Variants in FGGY observed in about 807,000 individuals in gnomAD.
FGGY encodes the protein FGGY carbohydrate kinase domain-containing protein.
FGGY carries 72 observed loss-of-function variants against 71.3 expected under a neutral mutation model. The ratio of observed to expected loss-of-function variants is 1.01; its 90% CI spans 0.84 to 1.23. The LOEUF is 1.23. FGGY is among the 50% of genes most tolerant of loss of function. The probability of loss-of-function intolerance (pLI) is 0.00; values close to 1 mark genes in which losing one functional copy is unlikely to be tolerated. For synonymous variants in FGGY, 251 were observed against 250.3 expected, an observed-to-expected ratio of 1.00 and a Z score of -0.02; for missense variants, 668 against 682.3, an observed-to-expected ratio of 0.98 and a Z score of 0.23.
chr1:59,662,045 G>A (rs1282453121), intron 12 of FGGY, among the ~76,000 whole-genome samples: 1 of 145,290 alleles, frequency 6.9e-6, no homozygotes. Flanking sequence ...TATAGGCCAG[G>A]CGCGGTGACT....
chr1:59,632,514 T>A (rs2096917299), intron 10 of FGGY, among the ~76,000 whole-genome samples: 1 of 152,190 alleles, frequency 6.6e-6, no homozygotes, highest in African/African-American at 2.4e-5. Context: ...TCACTAGTCC[T>A]CTATATCGCG....
chr1:59,658,358 C>T (rs1294567347), intron 11 of FGGY, among the ~76,000 whole-genome samples: 2 of 152,176 alleles, frequency 1.3e-5, no homozygotes, highest in Non-Finnish European at 2.9e-5. Flanking sequence ...TAGGATGATT[C>T]AGCGCCAGAG....
At chr1:59,628,767 A>G (rs1434592755) in intron 10 of FGGY, among the ~76,000 whole-genome samples, 1 of 152,198 alleles carries the variant, frequency 6.6e-6, no homozygotes, top group Non-Finnish European at 1.5e-5. Flanking sequence ...AGCACAGGAC[A>G]AAAGAGAGAT....
intron 6 of FGGY, among the ~76,000 whole-genome samples, chr1:59,461,598 C>G (rs1270140542): frequency 6.6e-6 from 1 of 151,922 alleles, no homozygotes; most frequent in African/African-American, 2.4e-5. Flanking sequence ...GAAGAGCAAC[C>G]CCAAGACACA....
At chr1:59,321,477 G>A in intron 1 of FGGY, 59 bp from the exon 2 acceptor site, 4 of 1,468,550 alleles carry the variant, frequency 2.7e-6, no homozygotes, top group Admixed American at 1.9e-5. Context: ...GAGATGTTTT[G>A]TGACTGTCTT....
chr1:59,370,506 C>A (rs1571146780), intron 4 of FGGY, among the ~76,000 whole-genome samples: 1 of 152,274 alleles, frequency 6.6e-6, no homozygotes, highest in East Asian at 1.9e-4. Flanking sequence ...AGGAGAACTT[C>A]CCCAATCTAG....
At chr1:59,424,651 G>A (rs1056667812) in intron 5 of FGGY, among the ~76,000 whole-genome samples, 3 of 152,118 alleles carry the variant, frequency 2.0e-5, no homozygotes, top group African/African-American at 4.8e-5. Flanking sequence ...TTCATGTGTC[G>A]ATTTTTGATC....
chr1:59,380,197 C>G (rs1380365137), intron 5 of FGGY, among the ~76,000 whole-genome samples: 1 of 151,526 alleles, frequency 6.6e-6, no homozygotes, highest in Non-Finnish European at 1.5e-5. Flanking sequence ...GTCTATCATT[C>G]ATGGACATTT....
At chr1:59,432,859 A>G (rs2067663989) in intron 5 of FGGY, among the ~76,000 whole-genome samples, 1 of 152,240 alleles carries the variant, frequency 6.6e-6, no homozygotes, top group Non-Finnish European at 1.5e-5. Context: ...CTGAGGTCAC[A>G]TAGTTAATAA....
chr1:59,521,568 T>C (rs1036558168), intron 7 of FGGY, among the ~76,000 whole-genome samples: 3 of 152,208 alleles, frequency 2.0e-5, no homozygotes, highest in African/African-American at 7.2e-5. Context: ...CATACACTCC[T>C]GTTTGGATAA....
chr1:59,519,200 T>C (rs1394303323), intron 7 of FGGY, among the ~76,000 whole-genome samples: 1 of 152,234 alleles, frequency 6.6e-6, no homozygotes, highest in Non-Finnish European at 1.5e-5. Flanking sequence ...AAGAATGGCC[T>C]ACCTATTTAA....
chr1:59,640,635 T>A (rs968335870), intron 11 of FGGY, among the ~76,000 whole-genome samples: 2 of 142,332 alleles, frequency 1.4e-5, no homozygotes, highest in African/African-American at 5.8e-5. Context: ...AAGTGCTCAG[T>A]ATATGCTTAT....
At chr1:59,487,310 G>C (rs1026090242) in intron 6 of FGGY, among the ~76,000 whole-genome samples, 1 of 152,186 alleles carries the variant, frequency 6.6e-6, no homozygotes, top group East Asian at 1.9e-4. Flanking sequence ...AGTTGACTGT[G>C]TGTGTCTATC....
chr1:59,436,270 G>A (rs562257110), intron 5 of FGGY, among the ~76,000 whole-genome samples: 10 of 151,870 alleles, frequency 6.6e-5, no homozygotes, highest in South Asian at 2.1e-4. Flanking sequence ...CTCTTCCCAC[G>A]GCAGGCACCC....
intron 4 of FGGY, among the ~76,000 whole-genome samples, chr1:59,374,395 C>T (rs1188679283): frequency 1.3e-5 from 2 of 152,316 alleles, no homozygotes; most frequent in East Asian, 3.9e-4. Flanking sequence ...TTTAAAAAGT[C>T]AGGAAACAAC....
At chr1:59,643,824 T>C (rs2153901836) in intron 11 of FGGY, among the ~76,000 whole-genome samples, 1 of 152,284 alleles carries the variant, frequency 6.6e-6, no homozygotes, top group East Asian at 1.9e-4. Context: ...CACCAAATAA[T>C]TGCCTTATGG....
At chr1:59,339,089 A>AATCAT (rs1362939429) in intron 2 of FGGY, among the ~76,000 whole-genome samples, 1 of 152,240 alleles carries the variant, frequency 6.6e-6, no homozygotes, top group Non-Finnish European at 1.5e-5. Flanking sequence ...TCATGCACAA[A>AATCAT]ATCATTAAAA....
intron 9 of FGGY, among the ~76,000 whole-genome samples, chr1:59,621,223 C>A (rs1319820429): frequency 6.6e-6 from 1 of 152,004 alleles, no homozygotes; most frequent in East Asian, 1.9e-4. Context: ...AGAGCCATAT[C>A]TCTAAATACA....
At chr1:59,635,894 C>T (rs1430762895) in intron 10 of FGGY, among the ~76,000 whole-genome samples, 1 of 152,142 alleles carries the variant, frequency 6.6e-6, no homozygotes, top group Non-Finnish European at 1.5e-5. Flanking sequence ...TCCATGGCTT[C>T]AGAATCACAA....
Sources: allele counts gnomAD v4.1 joint callset (sites outside exome capture counted in the v4.1 genomes callset), GRCh38; gene constraint gnomAD v4.1.1; transcripts MANE v1.5; gene names NCBI Gene and HGNC (gene_info 2026-07-23, HGNC 2026-07-21).